Variants in SLC11A2 observed in about 807,000 individuals in gnomAD.
SLC11A2 encodes natural resistance-associated macrophage protein 2.
In SLC11A2, 38 loss-of-function variants were observed where a neutral mutation model predicts 68.0. That is an observed-to-expected ratio of 0.56 (90% CI 0.43 to 0.73). The LOEUF is 0.73. Ranked by LOEUF, SLC11A2 falls within the 30% of genes least tolerant of loss-of-function variation. The pLI is 0.00. For synonymous variants in SLC11A2, 242 were observed against 250.6 expected, an observed-to-expected ratio of 0.97 and a Z score of 0.32; for missense variants, 517 against 690.5, an observed-to-expected ratio of 0.75 and a Z score of 2.82.
chr12:50,988,305 G>A lies in SLC11A2; in HGVS notation c.*20C>T. On this transcript the variant is annotated 3_prime_UTR_variant, in exon 16 of 16. Transcript: ENST00000262052. ...ACACTGGCTCTGATGGCTACCTGCAGAAGACAGACTAATCCAGTGTTATTT... is the reference window on the plus strand; with the variant it reads ...ACACTGGCTCTGATGGCTACCTGCAAAAGACAGACTAATCCAGTGTTATTT... The A allele has an allele frequency of 1.2e-6, 2 of 1,613,846 alleles. No homozygotes were observed. The highest frequency in any genetic ancestry group is 1.7e-6 in the Non-Finnish European group (2 of 1,179,810).
the SLC11A2 span, among the ~76,000 whole-genome samples, chr12:50,967,172 G>C: frequency 6.6e-6 from 1 of 151,898 alleles, no homozygotes. Context: ...CTGGAGTGCA[G>C]TGGTGCAATC....
chr12:51,021,192 A>G (rs906017787), intron 1 of SLC11A2, among the ~76,000 whole-genome samples: 3 of 152,238 alleles, frequency 2.0e-5, no homozygotes, highest in African/African-American at 7.2e-5. Flanking sequence ...ACACCATTTT[A>G]TAGGGACTTA....
chr12:50,995,928 C>T, intron 9 of SLC11A2, 141 bp from the exon 10 acceptor site: 1 of 725,554 alleles, frequency 1.4e-6, no homozygotes, highest in Admixed American at 2.2e-5. Flanking sequence ...CACTCACCTA[C>T]ATCCTAGTTC....
chr12:51,006,996 C>T (rs1942785430), intron 3 of SLC11A2, among the ~76,000 whole-genome samples: 1 of 152,164 alleles, frequency 6.6e-6, no homozygotes, highest in Non-Finnish European at 1.5e-5. Flanking sequence ...GATCCACCCG[C>T]CTCAGCCTCC....
At chr12:51,005,479 G>A in intron 3 of SLC11A2, 43 bp from the exon 4 acceptor site, 1 of 1,610,074 alleles carries the variant, frequency 6.2e-7, no homozygotes. Context: ...CATCACCATT[G>A]AACTACTGAT....
At chr12:51,009,630 T>C (rs774024292) in intron 2 of SLC11A2, among the ~76,000 whole-genome samples, 5 of 152,094 alleles carry the variant, frequency 3.3e-5, no homozygotes, top group South Asian at 4.1e-4. Flanking sequence ...GAAGCTCAGA[T>C]TTAGGAAGGA....
At chr12:50,965,670 A>G in the SLC11A2 span, among the ~76,000 whole-genome samples, 214 of 152,220 alleles carry the variant, frequency 1.4e-3, 1 homozygote, top group African/African-American at 4.5e-3. Flanking sequence ...GGTAGGCCAC[A>G]CTCATTCTAC....
At chr12:51,008,945 T>C (rs189252793) in intron 2 of SLC11A2, among the ~76,000 whole-genome samples, 303 of 152,178 alleles carry the variant, frequency 2.0e-3, no homozygotes, top group African/African-American at 7.0e-3. Context: ...CTACTCCTAC[T>C]TGGGAATTTT....
In SLC11A2 at chr12:51,008,932, C is replaced by T. The variant is rs75939524; in HGVS notation, c.35-308G>A. On this transcript the variant is annotated intron_variant, in intron 2 of 15. Coordinates refer to ENST00000262052, the MANE Select transcript of SLC11A2 (RefSeq NM_000617.3). ...TCACAATGGTTTTCCTACTTCCACACTTCTACTCCTACTTGGGAATTTTTA... is the reference window on the plus strand; with the variant it reads ...TCACAATGGTTTTCCTACTTCCACATTTCTACTCCTACTTGGGAATTTTTA... Among the ~76,000 whole-genome samples the T allele has an allele frequency of 2.9e-3, 439 of 152,140 alleles. 23 individuals carry two copies. The East Asian group carries it at 0.079, about 27-fold the overall frequency.
the SLC11A2 span, among the ~76,000 whole-genome samples, chr12:50,971,525 G>C: frequency 6.6e-6 from 1 of 152,170 alleles, no homozygotes; most frequent in Non-Finnish European, 1.5e-5. Flanking sequence ...ATGCTAATGT[G>C]GTACGACACT....
chr12:50,957,446 G>A, the SLC11A2 span, among the ~76,000 whole-genome samples: 1 of 151,572 alleles, frequency 6.6e-6, no homozygotes, highest in Non-Finnish European at 1.5e-5. Context: ...TGATCCATCA[G>A]TCTCAGCCTC....
chr12:51,015,063 A>C (rs1375256020), intron 1 of SLC11A2, among the ~76,000 whole-genome samples: 1 of 151,514 alleles, frequency 6.6e-6, no homozygotes, highest in Non-Finnish European at 1.5e-5. Flanking sequence ...GGAACGCTAA[A>C]GCGGGAGAAT....
In SLC11A2 at chr12:50,987,184, C is replaced by G; in HGVS notation, c.*1141G>C. On this transcript the variant is annotated 3_prime_UTR_variant, in exon 16 of 16. Coordinates refer to ENST00000262052, the MANE Select transcript of SLC11A2 (RefSeq NM_000617.3). ...CTCAAGATTTTTCCCTCTGAGGAAACAGCTGTAGAGAGGTAGCCCAGTTCA... is the reference window on the plus strand; with the variant it reads ...CTCAAGATTTTTCCCTCTGAGGAAAGAGCTGTAGAGAGGTAGCCCAGTTCA... 7.8e-7 allele frequency: 1 copy of G among 1,285,156 alleles called. No individual in the cohort carries two copies. The highest frequency in any genetic ancestry group is 1.0e-6 in the Non-Finnish European group (1 of 987,346). The allele number at this position is 1,285,156 out of a possible 1,614,324, so 79.6% of individuals were successfully genotyped here.
the SLC11A2 span, among the ~76,000 whole-genome samples, chr12:50,973,419 C>A: frequency 3.9e-5 from 6 of 152,298 alleles, no homozygotes; most frequent in African/African-American, 1.4e-4. Context: ...AACAGACCTG[C>A]AGCTGAGGGT....
intron 8 of SLC11A2, among the ~76,000 whole-genome samples, chr12:50,998,514 A>C (rs1387951042): frequency 1.3e-5 from 2 of 152,168 alleles, no homozygotes; most frequent in South Asian, 2.1e-4. Context: ...ACTCATCCTT[A>C]AACACTCTCA....
At chr12:50,977,518 C>T (rs1167846754), downstream of SLC11A2, among the ~76,000 whole-genome samples, 6 of 152,162 alleles carry the variant, frequency 3.9e-5, no homozygotes, top group East Asian at 3.9e-4. Context: ...AAGACTTAAA[C>T]GTTAGACCTA....
At chr12:50,966,436 T>C in the SLC11A2 span, among the ~76,000 whole-genome samples, 1 of 152,202 alleles carries the variant, frequency 6.6e-6, no homozygotes, top group African/African-American at 2.4e-5. Context: ...TTGTGGAGGA[T>C]TGTCCCATGC....
Position 51,010,674 on chromosome 12 carries a change from TA to T in SLC11A2, c.34+20del. ...CCTAATTACAAATAAAATTAGACAA[TA>T]ACACAAAGCGGTAAATTACCATCTG... On this transcript the variant is annotated intron_variant, in intron 2 of 15. Transcript: ENST00000262052. 7.3e-7 allele frequency: 1 copy of T among 1,372,104 alleles called. No individual in the cohort carries two copies. Among genetic ancestry groups the T allele is most frequent in the Non-Finnish European group, 1.0e-6 (1 of 956,170 alleles). 85.0% of individuals were successfully genotyped at this position (1,372,104 alleles called of 1,614,324 possible).
rs1374787481 is a variant in SLC11A2 at position 51,019,277 on chromosome 12, T to G, written c.-39+7033A>C. On this transcript the variant is annotated intron_variant, in intron 1 of 15. Coordinates refer to ENST00000262052, the MANE Select transcript of SLC11A2 (RefSeq NM_000617.3). ...TCATTTTTTAAAAAAATTATATTTGTCCTAAAGAAAATGAAAAGGTTTCTA... is the reference window on the plus strand; with the variant it reads ...TCATTTTTTAAAAAAATTATATTTGGCCTAAAGAAAATGAAAAGGTTTCTA... 3.3e-5 allele frequency among the ~76,000 whole-genome samples: 5 copies of G among 152,352 alleles called. No homozygotes were observed. The East Asian group carries it at 9.6e-4, about 29-fold the overall frequency.
Sources: gnomAD v4.1 joint callset for allele counts (sites outside exome capture counted in the v4.1 genomes callset) on GRCh38, gnomAD v4.1.1 for gene constraint, MANE v1.5 for transcripts, NCBI Gene and HGNC (gene_info 2026-07-23, HGNC 2026-07-21) for gene names.